TNFRSF10D: variants seen among roughly 807,000 people sequenced by gnomAD.
TNFRSF10D encodes the protein TNF receptor superfamily member 10d.
A neutral mutation model predicts 42.1 loss-of-function variants in TNFRSF10D; 28 were observed. The observed-to-expected ratio is 0.66, with a 90% CI of 0.49 to 0.91. TNFRSF10D has a LOEUF of 0.91. Among genes scored for constraint, TNFRSF10D ranks in the 40% least tolerant of loss-of-function variants. TNFRSF10D has a pLI of 0.00. For missense variants in TNFRSF10D, 503 were observed against 486.1 expected (o/e 1.03, Z -0.33); for synonymous variants, 186 against 189.4 (o/e 0.98, Z 0.15).
intron 1 of TNFRSF10D, 84 bp from the exon 2 acceptor site, chr8:23,155,063 A>C (rs1800257580): frequency 9.0e-7 from 1 of 1,111,434 alleles, no homozygotes; most frequent in Non-Finnish European, 1.3e-6. Flanking sequence ...CTTCACCCCA[A>C]GTGACAAAAC....
chr8:23,138,165 G>A (rs138339244), intron 8 of TNFRSF10D, 23 bp downstream of exon 8: 20 of 1,614,170 alleles, frequency 1.2e-5, no homozygotes, highest in African/African-American at 4.0e-5. Context: ...CTCCTGCTGC[G>A]TCTCAAGGCA....
At chr8:23,154,493 C>A (rs1033403512) in intron 2 of TNFRSF10D, among the ~76,000 whole-genome samples, 1 of 152,138 alleles carries the variant, frequency 6.6e-6, no homozygotes, top group Non-Finnish European at 1.5e-5. Flanking sequence ...AATAGACATG[C>A]TATGTAAATA....
At chr8:23,141,810 G>T (rs115703291) in intron 7 of TNFRSF10D, among the ~76,000 whole-genome samples, 3 of 152,128 alleles carry the variant, frequency 2.0e-5, no homozygotes, top group Non-Finnish European at 4.4e-5. Flanking sequence ...TAAAAAGCCA[G>T]TAACAGTAAA....
At chr8:23,155,418 G>T (rs1012115913) in intron 1 of TNFRSF10D, among the ~76,000 whole-genome samples, 1 of 151,934 alleles carries the variant, frequency 6.6e-6, no homozygotes, top group Non-Finnish European at 1.5e-5. Flanking sequence ...GGCAAGAAAA[G>T]ATTTTATAAG....
At chr8:23,142,611 G>A (rs757940821) in intron 7 of TNFRSF10D, among the ~76,000 whole-genome samples, 29 of 152,244 alleles carry the variant, frequency 1.9e-4, no homozygotes, top group African/African-American at 6.3e-4. Context: ...GGGAGGGAGC[G>A]AGAGGAGGAA....
chr8:23,148,316 A>C, intron 3 of TNFRSF10D, 122 bp downstream of exon 3: 1 of 517,116 alleles, frequency 1.9e-6, no homozygotes, highest in Non-Finnish European at 3.5e-6. Context: ...TAATCATGGA[A>C]CAGGGCATGA....
rs61736092 is a variant in TNFRSF10D, at chr8:23,147,026, A to G, written c.417T>C (p.Cys139=). 1.5e-3 allele frequency: 2,340 copies of G among 1,613,658 alleles called. 42 individuals carry two copies. The African/African-American group carries it at 0.028, about 19-fold the overall frequency. The change falls in exon 4 of 9, where the codon TGT becomes TGC. Residue 139 remains cysteine, a synonymous_variant. Transcript: ENST00000312584. ...SSCTTTRDTV[C]QCEKGSFQDK... Reference sequence around the variant, plus strand: ...CCTGGAAGCTTCCTTTTTCACACTGACACACGGTGTCTCTGGTCGTGGTAC... The same window carrying G: ...CCTGGAAGCTTCCTTTTTCACACTGGCACACGGTGTCTCTGGTCGTGGTAC...
chr8:23,163,238 G>A (rs1199106838), intron 1 of TNFRSF10D, among the ~76,000 whole-genome samples: 1 of 152,078 alleles, frequency 6.6e-6, no homozygotes, highest in Admixed American at 6.6e-5. Context: ...GAGTAGCTGG[G>A]ATTACAGGCG....
At chr8:23,143,883 G>T (rs1452059851) in intron 7 of TNFRSF10D, among the ~76,000 whole-genome samples, 1 of 151,898 alleles carries the variant, frequency 6.6e-6, no homozygotes, top group Non-Finnish European at 1.5e-5. Context: ...AAAAACAAAT[G>T]TGTGTCCAGA....
At chr8:23,149,270 T>G (rs1263128635) in intron 2 of TNFRSF10D, among the ~76,000 whole-genome samples, 1 of 151,198 alleles carries the variant, frequency 6.6e-6, no homozygotes, top group Non-Finnish European at 1.5e-5. Flanking sequence ...AGAGTTTCAC[T>G]CTTGTCACCC....
intron 2 of TNFRSF10D, among the ~76,000 whole-genome samples, chr8:23,151,746 C>A (rs551038711): frequency 6.6e-6 from 1 of 151,976 alleles, no homozygotes; most frequent in Non-Finnish European, 1.5e-5. Context: ...ACCTAACTTA[C>A]AAATTCAGTA....
intron 8 of TNFRSF10D, 56 bp downstream of exon 8, chr8:23,138,132 G>A: frequency 1.2e-6 from 2 of 1,612,742 alleles, no homozygotes; most frequent in Non-Finnish European, 1.7e-6. Flanking sequence ...ACAGCAGTTA[G>A]GACACCGTCC....
chr8:23,148,913 A>G (rs189872224), intron 2 of TNFRSF10D, among the ~76,000 whole-genome samples: 2,487 of 151,620 alleles, frequency 0.016, 28 homozygotes, highest in South Asian at 0.047. Context: ...TTTTTTGGCC[A>G]GGCACGGTGG....
At chr8:23,139,864 C>T (rs941549629) in intron 7 of TNFRSF10D, among the ~76,000 whole-genome samples, 1 of 152,110 alleles carries the variant, frequency 6.6e-6, no homozygotes, top group Admixed American at 6.5e-5. Context: ...AAATCAGTAG[C>T]ACCGGGCACC....
In TNFRSF10D at chr8:23,136,916, G is replaced by A. The variant is rs1272732985; in HGVS notation, c.*954C>T. Reference sequence around the variant, plus strand: ...GTCCAGTCTCAGGGCGCAGGAGGGAGAACTGGAATGCAGTAAGTGCCTCCC... The same window carrying A: ...GTCCAGTCTCAGGGCGCAGGAGGGAAAACTGGAATGCAGTAAGTGCCTCCC... On this transcript the variant is annotated 3_prime_UTR_variant, in exon 9 of 9. Transcript: ENST00000312584. 6.6e-6 allele frequency: 1 copy of A among 152,110 alleles called. No homozygotes were observed. Among genetic ancestry groups the A allele is most frequent in the African/African-American group, 2.4e-5 (1 of 41,430 alleles). The allele number at this position is 152,110 out of a possible 1,614,324, so 9.4% of individuals were successfully genotyped here. A position where few individuals can be genotyped will look rare whatever the true frequency, so the allele number is the denominator to read the frequency against.
intron 7 of TNFRSF10D, 38 bp downstream of exon 7, chr8:23,144,412 C>G: frequency 6.3e-7 from 1 of 1,598,750 alleles, no homozygotes; most frequent in South Asian, 1.1e-5. Flanking sequence ...CCTGTGCAGG[C>G]TGCACGCCAG....
intron 1 of TNFRSF10D, among the ~76,000 whole-genome samples, chr8:23,162,117 T>G (rs376518322): frequency 2.6e-5 from 4 of 152,350 alleles, no homozygotes; most frequent in African/African-American, 7.2e-5. Context: ...TCAATCTGAA[T>G]GTACTGCCAT....
chr8:23,141,501 T>A, intron 7 of TNFRSF10D, among the ~76,000 whole-genome samples: 1 of 114,400 alleles, frequency 8.7e-6, no homozygotes, highest in Non-Finnish European at 1.8e-5. Context: ...CGAGAGTACA[T>A]CTCAAAAAAA....
intron 1 of TNFRSF10D, among the ~76,000 whole-genome samples, chr8:23,159,963 T>C (rs2128839970): frequency 6.6e-6 from 1 of 151,060 alleles, no homozygotes; most frequent in South Asian, 2.1e-4. Flanking sequence ...AAGGGGAGCT[T>C]CGCTTCCCTC....
Sources: gnomAD v4.1 joint callset for allele counts (sites outside exome capture counted in the v4.1 genomes callset) on GRCh38, gnomAD v4.1.1 for gene constraint, MANE v1.5 for transcripts, NCBI Gene and HGNC (gene_info 2026-07-23, HGNC 2026-07-21) for gene names.